The following SPEN variants were observed in gnomAD, a reference collection of about 807,000 sequenced individuals.
The protein encoded by SPEN is msx2-interacting protein.
SPEN carries 18 observed loss-of-function variants against 269.9 expected under a neutral mutation model. The observed-to-expected ratio is 0.07, with a 90% CI of 0.05 to 0.10. The LOEUF is 0.10. Among genes scored for constraint, SPEN ranks in the 10% least tolerant of loss-of-function variants. SPEN has a pLI of 1.00. For synonymous variants in SPEN, 1,726 were observed against 1,765.7 expected, an observed-to-expected ratio of 0.98 and a Z score of 0.56; for missense variants, 3,822 against 4,631.2, an observed-to-expected ratio of 0.83 and a Z score of 5.07.
chr1:15,930,063 C>T lies in SPEN; in HGVS notation c.3823C>T (p.Pro1275Ser). Residue 1275 changes from proline to serine, a missense_variant, in exon 11 of 15, where the codon CCC (proline) becomes TCC (serine). Around this residue, in one of 16 missense-constraint regions of SPEN, gnomAD observed 267 missense variants for 315.5 expected, o/e 0.85. Coordinates refer to ENST00000375759, the MANE Select transcript of SPEN (RefSeq NM_015001.3). The surrounding 1 kb of genome is among the most constrained non-coding windows in gnomAD (Gnocchi z 5.3). ...RHGSFHEDEDPIGSPRLLSVK... is the reference protein window; with the variant it reads ...RHGSFHEDEDSIGSPRLLSVK... ...TGGTTCCTTCCATGAAGATGAGGATCCCATAGGCTCCCCTAGGCTACTGTC... is the reference window on the plus strand; with the variant it reads ...TGGTTCCTTCCATGAAGATGAGGATTCCATAGGCTCCCCTAGGCTACTGTC... 2 of 1,614,188 alleles carry T rather than the reference C, an allele frequency of 1.2e-6. No individual in the cohort carries two copies. The highest frequency in any genetic ancestry group is 1.7e-6 in the Non-Finnish European group (2 of 1,180,022).
At chr1:15,916,510 CTTT>C (rs34713584) in intron 6 of SPEN, among the ~76,000 whole-genome samples, 4 of 113,528 alleles carry the variant, frequency 3.5e-5, no homozygotes, top group Non-Finnish European at 3.6e-5. Context: ...TTTCTTACCT[CTTT>C]TTTTTTTTTT....
intron 1 of SPEN, among the ~76,000 whole-genome samples, chr1:15,850,811 C>T (rs969910367): frequency 6.6e-6 from 1 of 152,182 alleles, no homozygotes; most frequent in African/African-American, 2.4e-5. Flanking sequence ...ATGGTATTCA[C>T]TTCTGGTGTC....
intron 3 of SPEN, among the ~76,000 whole-genome samples, chr1:15,898,173 TTGTGTGTGTGTG>T (rs58297957): frequency 0.095 from 13,960 of 147,464 alleles, 871 homozygotes; most frequent in East Asian, 0.21. Context: ...TAATTTATCT[TTGTGTGTGTGTG>T]TGTGTGTGTG....
At chr1:15,890,619 A>G (rs1364390127) in intron 3 of SPEN, among the ~76,000 whole-genome samples, 6 of 146,994 alleles carry the variant, frequency 4.1e-5, no homozygotes, top group East Asian at 4.0e-4. Context: ...CTGGAGTGCA[A>G]TCTCTGCTCA....
chr1:15,937,367 A>C lies in SPEN; in HGVS notation c.10231A>C (p.Arg3411=). 5 of 1,613,946 alleles carry C rather than the reference A, an allele frequency of 3.1e-6. No individual in the cohort carries two copies. The East Asian group carries it at 1.1e-4, about 36-fold the overall frequency. Reference sequence around the variant, plus strand: ...TCGCCTCCCAGCTGGACCTGCAAACAGGCCACCTGAGCCTCACACCCAGGT... The same window carrying C: ...TCGCCTCCCAGCTGGACCTGCAAACCGGCCACCTGAGCCTCACACCCAGGT... ...QPRLPAGPAN[R]PPEPHTQVQR... Residue 3411 remains arginine, a synonymous_variant, in exon 12 of 15, where the codon AGG becomes CGG. Coordinates refer to ENST00000375759, the MANE Select transcript of SPEN (RefSeq NM_015001.3). This position sits in a 1 kb window ranked among gnomAD's most constrained non-coding sequence, Gnocchi z 5.7.
intron 1 of SPEN, among the ~76,000 whole-genome samples, chr1:15,859,656 A>G (rs1171702136): frequency 6.6e-6 from 1 of 151,942 alleles, no homozygotes; most frequent in Non-Finnish European, 1.5e-5. Flanking sequence ...GGCTTGAGCC[A>G]CTGTGCCCGG....
intron 3 of SPEN, among the ~76,000 whole-genome samples, chr1:15,889,845 C>G (rs192319223): frequency 2.5e-3 from 374 of 152,224 alleles, no homozygotes; most frequent in Non-Finnish European, 4.0e-3. Context: ...TCCCAAGTAG[C>G]TGGGATTACA....
Position 15,933,443 on chromosome 1 carries a change from C to T in SPEN, c.7203C>T (p.Asp2401=). The change falls in exon 11 of 15, where the codon GAC becomes GAT. Residue 2401 remains aspartate, a synonymous_variant. Transcript: ENST00000375759. This position sits in a 1 kb window ranked among gnomAD's most constrained non-coding sequence, Gnocchi z 5.7. The part of the protein sequence containing the change: ...HSTPPQSCTS[D]LSKIPSTENS... ...CTCCTCCTCAGTCATGTACTTCTGA[C>T]CTAAGCAAGATTCCCTCCACAGAGA... 1 of 1,614,098 alleles carries T rather than the reference C, an allele frequency of 6.2e-7. No homozygotes were observed. The highest frequency in any genetic ancestry group is 8.5e-7 in the Non-Finnish European group (1 of 1,180,030).
intron 3 of SPEN, among the ~76,000 whole-genome samples, chr1:15,907,184 A>G (rs554180207): frequency 6.6e-6 from 1 of 152,134 alleles, no homozygotes; most frequent in Non-Finnish European, 1.5e-5. Context: ...ATTTAGTTTT[A>G]AAAAAATGCT....
intron 9 of SPEN, among the ~76,000 whole-genome samples, chr1:15,921,300 A>T (rs1557755774): frequency 6.6e-6 from 1 of 152,240 alleles, no homozygotes; most frequent in African/African-American, 2.4e-5. Context: ...GTTGCACTCC[A>T]GCCTGGGTGA....
At chr1:15,885,435 A>G (rs1286020280) in intron 3 of SPEN, among the ~76,000 whole-genome samples, 1 of 152,230 alleles carries the variant, frequency 6.6e-6, no homozygotes, top group African/African-American at 2.4e-5. Context: ...TAAGCATACA[A>G]GAGGAAGTGT....
chr1:15,873,957 A>T, intron 2 of SPEN: 1 of 1,184,262 alleles, frequency 8.4e-7, no homozygotes, highest in Non-Finnish European at 1.1e-6. Flanking sequence ...ACACATGGTG[A>T]TGATCAGTTG....
At chr1:15,936,377 A>G in intron 11 of SPEN, 111 bp downstream of exon 11, 1 of 1,397,550 alleles carries the variant, frequency 7.2e-7, no homozygotes, top group Non-Finnish European at 9.3e-7. Flanking sequence ...GTGGTGGCTT[A>G]TGCCTGTAAT....
At chr1:15,873,757 C>T (rs1318340166) in intron 2 of SPEN, 2 of 1,014,526 alleles carry the variant, frequency 2.0e-6, no homozygotes, top group Non-Finnish European at 1.2e-6. Context: ...GTTGGAATTA[C>T]ACTCTTTGAT....
chr1:15,851,219 C>T (rs1200427273), intron 1 of SPEN, among the ~76,000 whole-genome samples: 1 of 152,150 alleles, frequency 6.6e-6, no homozygotes, highest in South Asian at 2.1e-4. Flanking sequence ...TTTTTCCTCC[C>T]CAGTGCCAAA....
In SPEN at chr1:15,907,059, A is replaced by T. The variant is rs149307708; in HGVS notation, c.882-2262A>T. ...GTAGTGGGATTACAGGAACTAAGCCACTGCACCCAGTCAAGTTTTCATCTA... is the reference window on the plus strand; with the variant it reads ...GTAGTGGGATTACAGGAACTAAGCCTCTGCACCCAGTCAAGTTTTCATCTA... On this transcript the variant is annotated intron_variant, in intron 3 of 14. Transcript: ENST00000375759. Among the ~76,000 whole-genome samples, 109 of 152,306 alleles carry T rather than the reference A, an allele frequency of 7.2e-4. 3 individuals carry two copies. Among genetic ancestry groups the T allele is most frequent in the Middle Eastern group, 6.8e-3 (2 of 294 alleles).
intron 1 of SPEN, among the ~76,000 whole-genome samples, chr1:15,860,712 C>T (rs2070439743): frequency 6.6e-6 from 1 of 151,458 alleles, no homozygotes. Flanking sequence ...AAGCGATTCC[C>T]CTGCCTCAGC....
chr1:15,863,526 CAATA>C (rs1236724200), intron 1 of SPEN, among the ~76,000 whole-genome samples: 1 of 152,060 alleles, frequency 6.6e-6, no homozygotes. Flanking sequence ...TACTTAGAAC[CAATA>C]AATAGTTTCT....
intron 1 of SPEN, among the ~76,000 whole-genome samples, chr1:15,867,367 T>G (rs1157035033): frequency 2.0e-5 from 3 of 152,206 alleles, no homozygotes; most frequent in African/African-American, 7.2e-5. Context: ...TCCCCCCTTT[T>G]ATTTTTATTT....
Sources: allele counts gnomAD v4.1 joint callset (sites outside exome capture counted in the v4.1 genomes callset), GRCh38; gene constraint gnomAD v4.1.1; regional missense constraint gnomAD v4.1.1; non-coding constraint Gnocchi (gnomAD v3.1); transcripts MANE v1.5; gene names NCBI Gene and HGNC (gene_info 2026-07-23, HGNC 2026-07-21).